RASGEF1B: variants seen among roughly 807,000 people sequenced by gnomAD.
RASGEF1B encodes RasGEF domain family member 1B.
RASGEF1B carries 30 observed loss-of-function variants against 65.7 expected under a neutral mutation model. The ratio of observed to expected loss-of-function variants is 0.46; its 90% confidence interval spans 0.34 to 0.62. The LOEUF (loss-of-function observed/expected upper bound fraction) is 0.62. Among genes scored for constraint, RASGEF1B ranks in the 20% least tolerant of loss-of-function variants. RASGEF1B has a pLI of 0.01. For missense variants in RASGEF1B, 495 were observed against 580.1 expected (o/e 0.85, Z 1.51); for synonymous variants, 175 against 194.8 (o/e 0.90, Z 0.85).
chr4:81,429,644 G>C (rs941079163), intron 13 of RASGEF1B, among the ~76,000 whole-genome samples: 1 of 152,220 alleles, frequency 6.6e-6, no homozygotes, highest in African/African-American at 2.4e-5. Context: ...AGCTGGACGT[G>C]GTGAGGAACA....
chr4:81,442,296 C>A lies in RASGEF1B; in HGVS notation c.1008+1G>T. On this transcript the variant is annotated splice_donor_variant, in intron 9 of 13. Transcript: ENST00000264400. LOFTEE classifies it high-confidence loss of function. ...AACAGCAAAACATCAGCTTCACATA[C>A]CTCAAGAATGTCAAATTTTGCAGTC... The A allele has an allele frequency of 6.2e-7, 1 of 1,604,624 alleles. No individual in the cohort carries two copies.
rs1721578763 is a variant in RASGEF1B, at chr4:81,435,352, A to G, written c.1105-618T>C. On this transcript the variant is annotated intron_variant, in intron 10 of 13. Transcript: ENST00000264400. ...CGTGAACCCGGGAAGCGGAGCTTGC[A>G]GTGAGCCGAGATTGCGCCACTGCAG... Among the ~76,000 whole-genome samples, 4 of 138,096 alleles carry G rather than the reference A, an allele frequency of 2.9e-5. No individual in the cohort carries two copies. The South Asian group carries it at 1.0e-3, about 36-fold the overall frequency. The allele number at this position is 138,096 out of a possible 152,430, so 90.6% of individuals were successfully genotyped here.
chr4:81,442,978 C>T (rs573858375), intron 8 of RASGEF1B, among the ~76,000 whole-genome samples: 52 of 152,350 alleles, frequency 3.4e-4, no homozygotes, highest in African/African-American at 1.1e-3. Context: ...CTATCTCATA[C>T]ATCCCCTCAA....
In RASGEF1B at chr4:81,459,352, T is replaced by C; in HGVS notation, c.157A>G (p.Asn53Asp). ...CCTACATCTGGATAGTAATCCACAT[T>C]AGGTACTAAGTGCTGGATGAGTGCT... is the stretch of plus-strand genomic sequence containing the variant. The part of the protein sequence containing the change: ...LEALIQHLVP[N>D]VDYYPDRTYI... The change falls in exon 2 of 14, where the codon AAT (asparagine) becomes GAT (aspartate). Residue 53 changes from asparagine to aspartate, a missense_variant. Transcript: ENST00000264400. 2 of 1,598,432 alleles carry C rather than the reference T, an allele frequency of 1.3e-6. No homozygotes were observed. Among genetic ancestry groups the C allele is most frequent in the Non-Finnish European group, 1.7e-6 (2 of 1,175,708 alleles).
intron 4 of RASGEF1B, among the ~76,000 whole-genome samples, chr4:81,449,675 T>C (rs1578628247): frequency 6.6e-6 from 1 of 152,184 alleles, no homozygotes; most frequent in Non-Finnish European, 1.5e-5. Context: ...TTTAAAAAAA[T>C]ACCACAATAT....
chr4:81,468,884 G>A (rs1416358062), intron 1 of RASGEF1B, among the ~76,000 whole-genome samples: 2 of 152,142 alleles, frequency 1.3e-5, no homozygotes, highest in African/African-American at 4.8e-5. Flanking sequence ...CCCCACAGTC[G>A]TTTTATAGAC....
rs376168513 is a variant in RASGEF1B, at chr4:81,459,441, G to A, written c.68C>T (p.Ser23Phe). 3.8e-5 allele frequency: 62 copies of A among 1,613,122 alleles called. No individual in the cohort carries two copies. The highest frequency in any genetic ancestry group is 5.1e-5 in the Non-Finnish European group (60 of 1,179,768). The change falls in exon 2 of 14, where the codon TCT becomes TTT. Residue 23 changes from serine to phenylalanine, a missense_variant. Ser to Phe is a radical substitution (Grantham distance 155). Coordinates refer to ENST00000264400, the MANE Select transcript of RASGEF1B (RefSeq NM_152545.3). ...CAACCCTCCACAGCTGTCCTCTGCA[G>A]ACTGATAGAGGTTTCGATTGTAACC... The part of the protein sequence containing the change: ...SSGYNRNLYQ[S>F]AEDSCGGLYY...
In RASGEF1B at chr4:81,440,946, G is replaced by A; in HGVS notation, c.1009-17C>T. On this transcript the variant is annotated splice_polypyrimidine_tract_variant and intron_variant, in intron 9 of 13. Transcript: ENST00000264400. ...CATCTGATGCTATAGATAAAAGAGA[G>A]AAGAATATTAACTATTTATTTATTG... 3 of 1,462,296 alleles carry A rather than the reference G, an allele frequency of 2.1e-6. No homozygotes were observed. The highest frequency in any genetic ancestry group is 2.9e-6 in the Non-Finnish European group (3 of 1,045,734). 90.6% of individuals were successfully genotyped at this position (1,462,296 alleles called of 1,614,324 possible). A position where few individuals can be genotyped will look rare whatever the true frequency, so the allele number is the denominator to read the frequency against.
At chr4:81,462,201 A>G (rs1282823759) in intron 1 of RASGEF1B, among the ~76,000 whole-genome samples, 1 of 152,204 alleles carries the variant, frequency 6.6e-6, no homozygotes, top group Non-Finnish European at 1.5e-5. Flanking sequence ...TAACAAAACT[A>G]CTTATCTTCT....
Position 81,459,453 on chromosome 4 carries a change from T to C in RASGEF1B, c.56A>G (p.Asn19Ser). Reference sequence around the variant, plus strand: ...GCTGTCCTCTGCAGACTGATAGAGGTTTCGATTGTAACCACTGCTGTCAAA... The same window carrying C: ...GCTGTCCTCTGCAGACTGATAGAGGCTTCGATTGTAACCACTGCTGTCAAA... ...AMFDSSGYNR[N>S]LYQSAEDSCG... The change falls in exon 2 of 14, where the codon AAC (asparagine) becomes AGC (serine). Residue 19 changes from asparagine (N) to serine (S), a missense_variant. By Grantham distance (46) the Asn-to-Ser change is conservative (BLOSUM62 1). Coordinates refer to ENST00000264400, the MANE Select transcript of RASGEF1B (RefSeq NM_152545.3). 1.2e-6 allele frequency: 2 copies of C among 1,611,824 alleles called. No individual in the cohort carries two copies. Among genetic ancestry groups the C allele is most frequent in the Non-Finnish European group, 1.7e-6 (2 of 1,179,334 alleles).
chr4:81,436,220 T>C (rs763463107), intron 10 of RASGEF1B, among the ~76,000 whole-genome samples: 2 of 152,196 alleles, frequency 1.3e-5, no homozygotes, highest in Non-Finnish European at 2.9e-5. Flanking sequence ...CTCAAGATAA[T>C]GTGAGAGTTC....
intron 12 of RASGEF1B, 22 bp from the exon 13 acceptor site, chr4:81,432,393 T>C: frequency 6.6e-7 from 1 of 1,507,850 alleles, no homozygotes; most frequent in Non-Finnish European, 9.2e-7. Context: ...CAAAAGAAAG[T>C]GCATTAACAT....
chr4:81,457,676 T>C, intron 2 of RASGEF1B, 55 bp from the exon 3 acceptor site: 11 of 1,595,616 alleles, frequency 6.9e-6, no homozygotes, highest in African/African-American at 1.3e-5. Flanking sequence ...ATTAATATCT[T>C]GCCTTTATAC....
At chr4:81,434,792 A>G in intron 10 of RASGEF1B, 58 bp from the exon 11 acceptor site, 1 of 815,844 alleles carries the variant, frequency 1.2e-6, no homozygotes, top group Non-Finnish European at 2.1e-6. Context: ...GCCTTTCATA[A>G]AAATACACAA....
intron 8 of RASGEF1B, among the ~76,000 whole-genome samples, chr4:81,444,626 T>C (rs1430489488): frequency 3.3e-5 from 5 of 152,194 alleles, no homozygotes; most frequent in Non-Finnish European, 5.9e-5. Context: ...AACCTCCGAC[T>C]CCTTGGTTCA....
At chr4:81,447,974 C>A in intron 5 of RASGEF1B, 95 bp downstream of exon 5, 1 of 1,011,682 alleles carries the variant, frequency 9.9e-7, no homozygotes, top group South Asian at 1.4e-5. Flanking sequence ...TTATTCTGAC[C>A]TCTCCTGTGA....
chr4:81,443,287 GA>G (rs1721910890), intron 8 of RASGEF1B, among the ~76,000 whole-genome samples: 1 of 152,170 alleles, frequency 6.6e-6, no homozygotes, highest in Non-Finnish European at 1.5e-5. Flanking sequence ...CTTCCTAACT[GA>G]GGTACAATTT....
chr4:81,459,412 A>G lies in RASGEF1B; in HGVS notation c.97T>C (p.Tyr33His). ...SAEDSCGGLY[Y>H]HDNNLLSGSL... ...CCAGAGAGGAGGTTGTTGTCATGGT[A>G]ATACAACCCTCCACAGCTGTCCTCT... Residue 33 changes from tyrosine (Y) to histidine (H), a missense_variant, in exon 2 of 14, where the codon TAC (tyrosine) becomes CAC (histidine). Coordinates refer to ENST00000264400, the MANE Select transcript of RASGEF1B (RefSeq NM_152545.3). The G allele has an allele frequency of 6.2e-7, 1 of 1,613,744 alleles. No individual in the cohort carries two copies. Among genetic ancestry groups the G allele is most frequent in the Non-Finnish European group, 8.5e-7 (1 of 1,179,840 alleles).
At chr4:81,464,986 A>G (rs1200491850) in intron 1 of RASGEF1B, among the ~76,000 whole-genome samples, 1 of 151,706 alleles carries the variant, frequency 6.6e-6, no homozygotes. Context: ...TGGGAGGCTG[A>G]GGCGGGAGAA....
Sources: allele counts gnomAD v4.1 joint callset (sites outside exome capture counted in the v4.1 genomes callset), GRCh38; gene constraint gnomAD v4.1.1; transcripts MANE v1.5; gene names NCBI Gene and HGNC (gene_info 2026-07-23, HGNC 2026-07-21).